Variants in EYA1 observed in about 807,000 individuals in gnomAD.
EYA1 encodes protein phosphatase EYA1.
In EYA1, 16 loss-of-function variants were observed where a neutral mutation model predicts 82.0. That is an observed-to-expected ratio of 0.20 (90% CI 0.13 to 0.30). The LOEUF (loss-of-function observed/expected upper bound fraction) is 0.30, where lower values mean the gene tolerates loss of function less well. EYA1 is among the 10% of genes least tolerant of loss of function. EYA1 has a pLI of 1.00. For missense variants in EYA1, 633 were observed against 730.7 expected, an observed-to-expected ratio of 0.87 and a Z score of 1.54; for synonymous variants, 261 against 264.4, an observed-to-expected ratio of 0.99 and a Z score of 0.12.
At chr8:71,458,897 A>G (rs1057310848) in intron 2 of EYA1, among the ~76,000 whole-genome samples, 5 of 152,204 alleles carry the variant, frequency 3.3e-5, no homozygotes, top group African/African-American at 9.6e-5. Flanking sequence ...ATCCAAGGGT[A>G]GGATTTTCCT....
chr8:71,376,091 G>T (rs1828353477), intron 2 of EYA1, among the ~76,000 whole-genome samples: 1 of 152,244 alleles, frequency 6.6e-6, no homozygotes, highest in South Asian at 2.1e-4. Flanking sequence ...AGACAGGGCT[G>T]TGTACGAAGC....
chr8:71,222,407 G>A (rs1247430806), intron 12 of EYA1, among the ~76,000 whole-genome samples: 1 of 152,186 alleles, frequency 6.6e-6, no homozygotes, highest in Admixed American at 6.5e-5. Context: ...TATTGCTAAC[G>A]CATCCAGCCC....
intron 16 of EYA1, among the ~76,000 whole-genome samples, chr8:71,211,988 C>T (rs1177467194): frequency 4.6e-5 from 7 of 152,108 alleles, no homozygotes; most frequent in Admixed American, 6.6e-5. Context: ...CTATCTTTCC[C>T]GTGTCATGAC....
chr8:71,257,200 T>C (rs1418093507), intron 11 of EYA1, among the ~76,000 whole-genome samples: 1 of 152,130 alleles, frequency 6.6e-6, no homozygotes, highest in Non-Finnish European at 1.5e-5. Context: ...GGATTTGTTT[T>C]GAAAAATCAT....
chr8:71,310,475 C>T (rs1465797528), intron 7 of EYA1, among the ~76,000 whole-genome samples: 1 of 152,160 alleles, frequency 6.6e-6, no homozygotes, highest in Non-Finnish European at 1.5e-5. Context: ...CATATGTTCT[C>T]ATTATTTAGC....
chr8:71,270,963 CA>C (rs1455580273), intron 10 of EYA1, among the ~76,000 whole-genome samples: 8 of 152,046 alleles, frequency 5.3e-5, no homozygotes, highest in African/African-American at 1.9e-4. Context: ...ACTAAAAATA[CA>C]AAAATTAGCC....
intron 2 of EYA1, among the ~76,000 whole-genome samples, chr8:71,489,874 C>A (rs1327807922): frequency 1.3e-5 from 2 of 152,302 alleles, no homozygotes; most frequent in Non-Finnish European, 2.9e-5. Flanking sequence ...AGAATTACTT[C>A]CAGGTTTTAA....
intron 2 of EYA1, among the ~76,000 whole-genome samples, chr8:71,504,987 A>G (rs1317811083): frequency 1.3e-5 from 2 of 152,074 alleles, no homozygotes; most frequent in Admixed American, 1.3e-4. Flanking sequence ...TTTAGTAGAA[A>G]TGGGGTTTTG....
intron 2 of EYA1, among the ~76,000 whole-genome samples, chr8:71,502,255 A>G (rs1811865072): frequency 6.6e-6 from 1 of 152,208 alleles, no homozygotes; most frequent in Non-Finnish European, 1.5e-5. Flanking sequence ...AGCTGTGTGA[A>G]CACTTCCTAT....
intron 9 of EYA1, among the ~76,000 whole-genome samples, chr8:71,281,434 C>A (rs2128969389): frequency 6.6e-6 from 1 of 152,332 alleles, no homozygotes; most frequent in East Asian, 1.9e-4. Flanking sequence ...TTCTGAATAT[C>A]TCTGATGCAT....
At chr8:71,420,273 A>T in intron 2 of EYA1, among the ~76,000 whole-genome samples, 1 of 152,218 alleles carries the variant, frequency 6.6e-6, no homozygotes, top group East Asian at 1.9e-4. Flanking sequence ...AGTAATTCAC[A>T]TGGGTGCATG....
chr8:71,326,751 T>C (rs534497103), intron 4 of EYA1, among the ~76,000 whole-genome samples: 2 of 152,294 alleles, frequency 1.3e-5, no homozygotes, highest in South Asian at 4.1e-4. Flanking sequence ...CAGTTAATCC[T>C]GCCTTGGTGG....
At chr8:71,299,790 T>C (rs1820002934) in intron 7 of EYA1, 70 bp from the exon 8 acceptor site, 1 of 842,056 alleles carries the variant, frequency 1.2e-6, no homozygotes, top group African/African-American at 1.7e-5. Context: ...GAAAATAGCA[T>C]TTAGAAAAGG....
At chr8:71,353,386 A>G (rs1242339843) in intron 3 of EYA1, among the ~76,000 whole-genome samples, 2 of 152,244 alleles carry the variant, frequency 1.3e-5, no homozygotes, top group East Asian at 1.9e-4. Context: ...CTACTTTCCT[A>G]TAAATAATTT....
intron 2 of EYA1, among the ~76,000 whole-genome samples, chr8:71,452,120 A>G (rs1452235534): frequency 6.6e-6 from 1 of 152,234 alleles, no homozygotes; most frequent in African/African-American, 2.4e-5. Flanking sequence ...CCAGGAGATT[A>G]TATCCCACGC....
intron 11 of EYA1, among the ~76,000 whole-genome samples, chr8:71,267,292 A>T (rs989562780): frequency 2.6e-5 from 4 of 152,132 alleles, no homozygotes; most frequent in Non-Finnish European, 4.4e-5. Context: ...TCTGTCCATC[A>T]AACAGCAAAG....
intron 2 of EYA1, among the ~76,000 whole-genome samples, chr8:71,475,805 C>T (rs1809616676): frequency 6.6e-6 from 1 of 152,124 alleles, no homozygotes; most frequent in African/African-American, 2.4e-5. Flanking sequence ...TATTTTATTA[C>T]TCAGTCAATC....
intron 9 of EYA1, among the ~76,000 whole-genome samples, chr8:71,274,886 G>A (rs138850703): frequency 2.4e-4 from 36 of 152,150 alleles, no homozygotes; most frequent in African/African-American, 8.7e-4. Context: ...GAGAGTGAGC[G>A]AGCGAGAGAG....
At chr8:71,210,685 GA>G (rs775998367) in intron 17 of EYA1, among the ~76,000 whole-genome samples, 12 of 152,296 alleles carry the variant, frequency 7.9e-5, no homozygotes, top group Non-Finnish European at 1.3e-4. Flanking sequence ...CTCATGATAT[GA>G]AGAAGACATC....
Sources: gnomAD v4.1 joint callset for allele counts (sites outside exome capture counted in the v4.1 genomes callset) on GRCh38, gnomAD v4.1.1 for gene constraint, MANE v1.5 for transcripts, NCBI Gene and HGNC (gene_info 2026-07-23, HGNC 2026-07-21) for gene names.